The following ROBO3 variants were observed in gnomAD, a reference collection of about 807,000 sequenced individuals.
ROBO3 encodes roundabout homolog 3.
A neutral mutation model predicts 160.5 loss-of-function variants in ROBO3; 97 were observed. That is an observed-to-expected ratio of 0.60 (90% CI 0.51 to 0.72). ROBO3 has a LOEUF of 0.72. Ranked by LOEUF, ROBO3 falls within the 30% of genes least tolerant of loss-of-function variation. The probability of loss-of-function intolerance (pLI) is 0.00; values close to 1 mark genes in which losing one functional copy is unlikely to be tolerated. For synonymous variants in ROBO3, 780 were observed against 746.2 expected (o/e 1.05, Z -0.74); for missense variants, 1,858 against 1,846.5 (o/e 1.01, Z -0.11).
chr11:124,868,018 A>G (rs926239616), intron 1 of ROBO3, among the ~76,000 whole-genome samples: 3 of 152,224 alleles, frequency 2.0e-5, no homozygotes, highest in Non-Finnish European at 4.4e-5. Context: ...CAGGTAGGAC[A>G]GAATATGTGG....
intron 27 of ROBO3, 31 bp downstream of exon 27, chr11:124,880,639 G>T (rs371201910): frequency 1.3e-6 from 2 of 1,504,410 alleles, no homozygotes; most frequent in Non-Finnish European, 1.8e-6. Context: ...AAAAATGAGG[G>T]CAGAGGACTA....
intron 19 of ROBO3, 57 bp from the exon 20 acceptor site, chr11:124,877,462 T>A: frequency 1.2e-6 from 2 of 1,600,196 alleles, no homozygotes; most frequent in Non-Finnish European, 1.7e-6. Context: ...CCACCTCCCT[T>A]TCCTTTGCTG....
chr11:124,873,117 G>C lies in ROBO3; in HGVS notation c.1536+28G>C. 6.3e-7 allele frequency: 1 copy of C among 1,596,018 alleles called. No individual in the cohort carries two copies. Among genetic ancestry groups the C allele is most frequent in the Non-Finnish European group, 8.6e-7 (1 of 1,166,916 alleles). On this transcript the variant is annotated intron_variant, in intron 9 of 27. Transcript: ENST00000397801. The surrounding 1 kb of genome is among the most constrained non-coding windows in gnomAD (Gnocchi z 4.5). Reference sequence around the variant, plus strand: ...GAGTGTCACCCCTGGGGCCCTAGTAGCTGAGAATGGCTATCTGCTCCACGT... The same window carrying C: ...GAGTGTCACCCCTGGGGCCCTAGTACCTGAGAATGGCTATCTGCTCCACGT...
Position 124,876,023 on chromosome 11 carries a change from A to G in ROBO3, c.2491A>G (p.Met831Val). The change falls in exon 16 of 28, where the codon ATG becomes GTG. Residue 831 changes from methionine (M) to valine (V), a missense_variant. Coordinates refer to ENST00000397801, the MANE Select transcript of ROBO3 (RefSeq NM_022370.4). This position sits in a 1 kb window ranked among gnomAD's most constrained non-coding sequence, Gnocchi z 5.3. ...TGCAGCAGGCTGGGCACGCTCCGCA[A>G]TGCTCCGAGGACTGGTGCCCGGTCT... ...RSAAGWARSA[M>V]LRGLVPGLLY... 1.9e-6 allele frequency: 3 copies of G among 1,604,586 alleles called. No individual in the cohort carries two copies. The highest frequency in any genetic ancestry group is 2.3e-5 in the South Asian group (2 of 88,714).
At position 124,869,436 on chromosome 11, in the gene ROBO3, A is replaced by ACC. The variant is rs59293287; in HGVS notation, c.488-13_488-12dup. On this transcript the variant is annotated splice_polypyrimidine_tract_variant and intron_variant, in intron 2 of 27. Transcript: ENST00000397801. The surrounding 1 kb of genome is among the most constrained non-coding windows in gnomAD (Gnocchi z 4.2). ...CTACACCCTGCTTATTTCGCCCCCC[A>ACC]CCGCCCCGCCCAGTCCTCCGTGATG... The ACC allele has an allele frequency of 1.5e-3, 1,957 of 1,283,452 alleles. 70 individuals carry two copies. The African/African-American group carries it at 0.027, about 18-fold the overall frequency. 79.5% of individuals were successfully genotyped at this position (1,283,452 alleles called of 1,614,324 possible).
intron 20 of ROBO3, 27 bp from the exon 21 acceptor site, chr11:124,877,910 C>T (rs1467086759): frequency 3.3e-6 from 5 of 1,498,328 alleles, no homozygotes; most frequent in Non-Finnish European, 1.8e-6. Flanking sequence ...GTCTCTGCTT[C>T]CGGGCCTCCC....
At chr11:124,871,273 T>G (rs1946277450) in intron 7 of ROBO3, 135 bp downstream of exon 7, 1 of 1,060,626 alleles carries the variant, frequency 9.4e-7, no homozygotes, top group African/African-American at 1.6e-5. Flanking sequence ...TGCAGGTTAT[T>G]TGAGAGGATT....
Position 124,876,848 on chromosome 11 carries a change from A to G in ROBO3, c.2780-313A>G. ...ATTGTGCGGCGGGGTCTGGATGGAA[A>G]GGCGGGGCCCGCTGAAAGAAGGCGA... On this transcript the variant is annotated intron_variant, in intron 17 of 27. Coordinates refer to ENST00000397801, the MANE Select transcript of ROBO3 (RefSeq NM_022370.4). This position sits in a 1 kb window ranked among gnomAD's most constrained non-coding sequence, Gnocchi z 5.3. The G allele has an allele frequency of 5.4e-6, 3 of 560,594 alleles. No homozygotes were observed. Among genetic ancestry groups the G allele is most frequent in the Non-Finnish European group, 6.4e-6 (2 of 314,736 alleles). 34.7% of individuals were successfully genotyped at this position (560,594 alleles called of 1,614,324 possible).
rs201695421 is a variant in ROBO3, at chr11:124,870,698, G to A, written c.1003G>A (p.Ala335Thr). ...TCVAENSVGR[A>T]EASGSLSVHV... ...TGTGGCGGAGAACAGTGTGGGCCGC[G>A]CTGAAGCATCTGGCTCCCTCAGTGT... Residue 335 changes from alanine to threonine, a missense_variant, in exon 6 of 28, where the codon GCT becomes ACT. Physicochemically the swap from Ala to Thr is moderately conservative, Grantham distance 58. Coordinates refer to ENST00000397801, the MANE Select transcript of ROBO3 (RefSeq NM_022370.4). 137 of 1,612,128 alleles carry A rather than the reference G, an allele frequency of 8.5e-5. 1 individual carries two copies. In the African/African-American group the frequency reaches 9.3e-4, roughly 11 times the overall value.
Position 124,872,357 on chromosome 11 carries a change from C to T in ROBO3, c.1159-24C>T. 6.2e-7 allele frequency: 1 copy of T among 1,613,328 alleles called. No homozygotes were observed. The highest frequency in any genetic ancestry group is 8.5e-7 in the Non-Finnish European group (1 of 1,179,336). On this transcript the variant is annotated intron_variant, in intron 7 of 27. Transcript: ENST00000397801. This position sits in a 1 kb window ranked among gnomAD's most constrained non-coding sequence, Gnocchi z 4.3. ...GCCCAGCTGCCTGCTCATTCCCTAC[C>T]CTGGTTCCTTGCTCTGTCCCCAGGT...
chr11:124,875,468 C>G (rs1449957185), intron 14 of ROBO3, 96 bp from the exon 15 acceptor site: 1 of 1,582,404 alleles, frequency 6.3e-7, no homozygotes, highest in Admixed American at 1.8e-5. Context: ...TCTCAGTTCC[C>G]TAAGATGTTA....
chr11:124,875,814 G>A, intron 15 of ROBO3, 129 bp downstream of exon 15: 1 of 1,435,040 alleles, frequency 7.0e-7, no homozygotes, highest in Non-Finnish European at 9.7e-7. Flanking sequence ...GAGTTTAGGG[G>A]AGAAGAGAGA....
chr11:124,877,229 G>A (rs1387088485), intron 18 of ROBO3, 38 bp from the exon 19 acceptor site: 1 of 1,613,824 alleles, frequency 6.2e-7, no homozygotes, highest in African/African-American at 1.3e-5. Flanking sequence ...CCCGGGACGG[G>A]CCCTTCTCTC....
At chr11:124,875,359 T>C (rs529268162) in intron 14 of ROBO3, 23 bp downstream of exon 14, 5 of 1,325,354 alleles carry the variant, frequency 3.8e-6, no homozygotes, top group Admixed American at 2.1e-5. Context: ...ACCGAACAGA[T>C]GGATGGACAA....
chr11:124,877,487 TC>T (rs772914823), intron 19 of ROBO3, 31 bp from the exon 20 acceptor site: 83 of 1,599,802 alleles, frequency 5.2e-5, no homozygotes, highest in Non-Finnish European at 6.9e-5. Flanking sequence ...CTTCAGGCTC[TC>T]CGTCCCCAAC....
chr11:124,876,587 C>T lies in ROBO3; in HGVS notation c.2779+127C>T. The T allele has an allele frequency of 1.3e-6, 1 of 791,236 alleles. No homozygotes were observed. The highest frequency in any genetic ancestry group is 3.3e-5 in the South Asian group (1 of 30,450). The allele number at this position is 791,236 out of a possible 1,614,324, so 49.0% of individuals were successfully genotyped here. A position where few individuals can be genotyped will look rare whatever the true frequency, so the allele number is the denominator to read the frequency against. On this transcript the variant is annotated intron_variant, in intron 17 of 27. Transcript: ENST00000397801. This position sits in a 1 kb window ranked among gnomAD's most constrained non-coding sequence, Gnocchi z 5.3. ...GAAAGGGGTCGCACCTGGAGTTCAG[C>T]CTCTTGGGTAGGGGCGGGATACGTG...
Position 124,876,444 on chromosome 11 carries a change from G to T in ROBO3, c.2763G>T (p.Glu921Asp). ...ALYWRRKQRKELSHYTASFAY... is the reference protein window; with the variant it reads ...ALYWRRKQRKDLSHYTASFAY... Reference sequence around the variant, plus strand: ...ACTGGCGCCGGAAACAGCGCAAAGAGCTCAGCCACTACACGGGTGAGCTCC... The same window carrying T: ...ACTGGCGCCGGAAACAGCGCAAAGATCTCAGCCACTACACGGGTGAGCTCC... Residue 921 changes from glutamate to aspartate, a missense_variant, in exon 17 of 28, where the codon GAG (glutamate) becomes GAT (aspartate). Coordinates refer to ENST00000397801, the MANE Select transcript of ROBO3 (RefSeq NM_022370.4). This position sits in a 1 kb window ranked among gnomAD's most constrained non-coding sequence, Gnocchi z 5.3. 1 of 1,437,590 alleles carries T rather than the reference G, an allele frequency of 7.0e-7. No individual in the cohort carries two copies. Among genetic ancestry groups the T allele is most frequent in the Non-Finnish European group, 9.1e-7 (1 of 1,101,114 alleles). 89.1% of individuals were successfully genotyped at this position (1,437,590 alleles called of 1,614,324 possible).
Position 124,876,415 on chromosome 11 carries a change from C to T in ROBO3, c.2734C>T (p.Leu912Phe). ...GALLLGLCAA[L>F]YWRRKQRKEL... is the part of the protein sequence containing the mutation. ...GCTGCTTCTCGGGCTCTGCGCCGCC[C>T]TCTACTGGCGCCGGAAACAGCGCAA... The change falls in exon 17 of 28, where the codon CTC (leucine) becomes TTC (phenylalanine). Residue 912 changes from leucine to phenylalanine, a missense_variant. Leu to Phe is a conservative substitution (Grantham distance 22). Transcript: ENST00000397801. This position sits in a 1 kb window ranked among gnomAD's most constrained non-coding sequence, Gnocchi z 5.3. 2.1e-6 allele frequency: 3 copies of T among 1,450,622 alleles called. No individual in the cohort carries two copies. The highest frequency in any genetic ancestry group is 2.9e-5 in the East Asian group (1 of 35,058). The allele number at this position is 1,450,622 out of a possible 1,614,324, so 89.9% of individuals were successfully genotyped here.
chr11:124,876,645 G>A lies in ROBO3; in HGVS notation c.2779+185G>A. 1.9e-6 allele frequency: 1 copy of A among 518,192 alleles called. No individual in the cohort carries two copies. The highest frequency in any genetic ancestry group is 2.0e-5 in the African/African-American group (1 of 50,276). 32.1% of individuals were successfully genotyped at this position (518,192 alleles called of 1,614,324 possible). Reference sequence around the variant, plus strand: ...TCGAGGAGCTGCCAGGACTAGGGAGGGCTGCGGGCCAAGACGGGGCGGGAT... The same window carrying A: ...TCGAGGAGCTGCCAGGACTAGGGAGAGCTGCGGGCCAAGACGGGGCGGGAT... On this transcript the variant is annotated intron_variant, in intron 17 of 27. Coordinates refer to ENST00000397801, the MANE Select transcript of ROBO3 (RefSeq NM_022370.4). This position sits in a 1 kb window ranked among gnomAD's most constrained non-coding sequence, Gnocchi z 5.3.
Sources: allele counts gnomAD v4.1 joint callset (sites outside exome capture counted in the v4.1 genomes callset), GRCh38; gene constraint gnomAD v4.1.1; non-coding constraint Gnocchi (gnomAD v3.1); transcripts MANE v1.5; gene names NCBI Gene and HGNC (gene_info 2026-07-23, HGNC 2026-07-21).